Variants in TEX264 observed in about 807,000 individuals in gnomAD.
TEX264 encodes the protein testis-expressed protein 264.
In TEX264, 13 loss-of-function variants were observed where a neutral mutation model predicts 23.4. That is an observed-to-expected ratio of 0.56 (90% CI 0.36 to 0.88). The LOEUF (loss-of-function observed/expected upper bound fraction) is 0.88, where lower values mean the gene tolerates loss of function less well. TEX264 is among the 40% of genes least tolerant of loss of function. TEX264 has a pLI of 0.01. For missense variants in TEX264, 340 were observed against 406.8 expected (o/e 0.84, Z 1.41); for synonymous variants, 159 against 170.0 (o/e 0.94, Z 0.50).
In TEX264 at chr3:51,684,960, G is replaced by A. The variant is rs897046573; in HGVS notation, c.480+326G>A. Among the ~76,000 whole-genome samples the A allele has an allele frequency of 4.6e-5, 7 of 152,216 alleles. No individual in the cohort carries two copies. In the East Asian group the frequency reaches 7.7e-4, roughly 17 times the overall value. On this transcript the variant is annotated intron_variant, in intron 3 of 4. Coordinates refer to ENST00000341333, the MANE Select transcript of TEX264 (RefSeq NM_015926.6). ...ACTCCTGGCTCAGATGAATGGACAG[G>A]CCACTTTATTCTCATCCTGCTGGAG...
rs201594052 is a variant in TEX264 at position 51,684,535 on chromosome 3, A to T, written c.381A>T (p.Ala127=). The T allele has an allele frequency of 4.3e-6, 7 of 1,614,036 alleles. No homozygotes were observed. The African/African-American group carries it at 9.3e-5, about 22-fold the overall frequency. The part of the protein sequence containing the change: ...KFGFKVFSFP[A]PSHVVTATFP... ...GCTTCAAGGTGTTCTCCTTCCCGGC[A>T]CCCAGCCATGTGGTGACAGCCACCT... The change falls in exon 3 of 5, where the codon GCA becomes GCT. Residue 127 remains alanine (A), a synonymous_variant. Coordinates refer to ENST00000341333, the MANE Select transcript of TEX264 (RefSeq NM_015926.6).
At chr3:51,685,550 A>G (rs1051061394) in intron 3 of TEX264, among the ~76,000 whole-genome samples, 3 of 152,238 alleles carry the variant, frequency 2.0e-5, no homozygotes, top group African/African-American at 7.2e-5. Context: ...CTCAGAGGAG[A>G]TAACCTCAAG....
intron 3 of TEX264, among the ~76,000 whole-genome samples, chr3:51,699,010 G>C (rs1040751002): frequency 1.3e-5 from 2 of 152,284 alleles, no homozygotes; most frequent in East Asian, 3.9e-4. Flanking sequence ...AGTCTGGTAG[G>C]TGAGACCTTG....
At chr3:51,701,344 C>G (rs1037784818) in intron 4 of TEX264, among the ~76,000 whole-genome samples, 1 of 150,544 alleles carries the variant, frequency 6.6e-6, no homozygotes, top group Non-Finnish European at 1.5e-5. Context: ...TCTTCTGCGG[C>G]AAGGTCTGGC....
chr3:51,680,164 C>CT (rs1166697274), intron 2 of TEX264, among the ~76,000 whole-genome samples: 1 of 152,212 alleles, frequency 6.6e-6, no homozygotes, highest in Non-Finnish European at 1.5e-5. Context: ...GATGGTGCTG[C>CT]TGTCCCTGTC....
At chr3:51,688,910 T>G (rs944594800) in intron 3 of TEX264, among the ~76,000 whole-genome samples, 1 of 151,920 alleles carries the variant, frequency 6.6e-6, no homozygotes, top group African/African-American at 2.4e-5. Context: ...GAGGATCACT[T>G]GAGCCCAGGA....
rs1312021674 is a variant in TEX264, at chr3:51,684,501, A to G, written c.347A>G (p.Gln116Arg). 6.2e-7 allele frequency: 1 copy of G among 1,614,098 alleles called. No homozygotes were observed. Among genetic ancestry groups the G allele is most frequent in the Non-Finnish European group, 8.5e-7 (1 of 1,180,048 alleles). The change falls in exon 3 of 5, where the codon CAG becomes CGG. Residue 116 changes from glutamine to arginine, a missense_variant. Coordinates refer to ENST00000341333, the MANE Select transcript of TEX264 (RefSeq NM_015926.6). ...SPSPELIDLYQKFGFKVFSFP... is the reference protein window; with the variant it reads ...SPSPELIDLYRKFGFKVFSFP... The stretch of plus-strand genomic sequence containing the variant: ...TCCCCTGAGCTCATCGACCTCTACC[A>G]GAAATTTGGCTTCAAGGTGTTCTCC...
chr3:51,675,265 T>C lies in TEX264; in HGVS notation c.258+703T>C, dbSNP rs116482720. Reference sequence around the variant, plus strand: ...CTTACAACCTATGGTGAGTCAGAGCTTGCTAATGTAACCTACTGCTATGCT... The same window carrying C: ...CTTACAACCTATGGTGAGTCAGAGCCTGCTAATGTAACCTACTGCTATGCT... On this transcript the variant is annotated intron_variant, in intron 2 of 4. Coordinates refer to ENST00000341333, the MANE Select transcript of TEX264 (RefSeq NM_015926.6). Among the ~76,000 whole-genome samples, 224 of 152,336 alleles carry C rather than the reference T, an allele frequency of 1.5e-3. 1 individual carries two copies. Among genetic ancestry groups the C allele is most frequent in the African/African-American group, 5.1e-3 (213 of 41,564 alleles).
chr3:51,677,115 C>G (rs1327135258), intron 2 of TEX264, among the ~76,000 whole-genome samples: 2 of 152,232 alleles, frequency 1.3e-5, no homozygotes, highest in African/African-American at 4.8e-5. Flanking sequence ...CCGGAAGGAC[C>G]TGAGGCCTCC....
At chr3:51,688,351 C>G (rs995861144) in intron 3 of TEX264, among the ~76,000 whole-genome samples, 2 of 152,190 alleles carry the variant, frequency 1.3e-5, no homozygotes, top group Admixed American at 6.5e-5. Flanking sequence ...ACACATGGAA[C>G]AGACCAGGAC....
intron 3 of TEX264, among the ~76,000 whole-genome samples, chr3:51,689,251 T>A (rs1210140808): frequency 6.6e-6 from 1 of 151,724 alleles, no homozygotes; most frequent in African/African-American, 2.4e-5. Flanking sequence ...TGGTGAAACC[T>A]CGTCTCTACA....
chr3:51,694,491 A>C (rs764445109), intron 3 of TEX264: 1 of 152,340 alleles, frequency 6.6e-6, no homozygotes, highest in Non-Finnish European at 1.5e-5. Flanking sequence ...TATTCCAGGC[A>C]GTCTCCCATC....
At chr3:51,678,591 G>C (rs1260043754) in intron 2 of TEX264, among the ~76,000 whole-genome samples, 4 of 152,230 alleles carry the variant, frequency 2.6e-5, no homozygotes, top group Non-Finnish European at 5.9e-5. Context: ...GGAGTGGGTT[G>C]GGGAACTGGT....
At chr3:51,684,777 C>G in intron 3 of TEX264, 143 bp downstream of exon 3, 1 of 738,182 alleles carries the variant, frequency 1.4e-6, no homozygotes, top group Non-Finnish European at 2.2e-6. Flanking sequence ...ACCTGTGGAG[C>G]TAGGAAGATG....
rs1407573549 is a variant in TEX264 at position 51,694,085 on chromosome 3, G to GTCCGTCCTTCCTTCCT, written c.481-5318_481-5317insGTCCTTCCTTCCTTCC. The stretch of plus-strand genomic sequence containing the variant: ...CCTTCCCTTCCCCTTCCTTCCGTCC[G>GTCCGTCCTTCCTTCCT]TCCTTCCTTCCTTCCTTCCTTCCTT... On this transcript the variant is annotated intron_variant, in intron 3 of 4. Transcript: ENST00000341333. Among the ~76,000 whole-genome samples the GTCCGTCCTTCCTTCCT allele has an allele frequency of 8.7e-4, 74 of 85,324 alleles. 2 individuals carry two copies. Among genetic ancestry groups the GTCCGTCCTTCCTTCCT allele is most frequent in the South Asian group, 2.8e-3 (5 of 1,768 alleles). 56.0% of individuals were successfully genotyped at this position (85,324 alleles called of 152,430 possible).
At chr3:51,694,085 G>GTCCGTCCTTCCTTCCTTCCT (rs1407573549) in intron 3 of TEX264, among the ~76,000 whole-genome samples, 3 of 85,254 alleles carry the variant, frequency 3.5e-5, no homozygotes, top group Non-Finnish European at 7.1e-5. Context: ...CCTTCCGTCC[G>GTCCGTCCTTCCTTCCTTCCT]TCCTTCCTTC....
chr3:51,697,482 G>A lies in TEX264; in HGVS notation c.481-1924G>A, dbSNP rs997483273. Among the ~76,000 whole-genome samples, 3 of 152,218 alleles carry A rather than the reference G, an allele frequency of 2.0e-5. No homozygotes were observed. In the East Asian group the frequency reaches 5.8e-4, roughly 29 times the overall value. On this transcript the variant is annotated intron_variant, in intron 3 of 4. Coordinates refer to ENST00000341333, the MANE Select transcript of TEX264 (RefSeq NM_015926.6). ...CCAAATGTCTGCTGCTCTTGTGATG[G>A]CCACTCAGCTACTACCCTTTGGGTC...
chr3:51,690,053 C>T (rs950481883), intron 3 of TEX264, among the ~76,000 whole-genome samples: 25 of 152,180 alleles, frequency 1.6e-4, no homozygotes, highest in Admixed American at 1.4e-3. Context: ...GCCTGTTGAG[C>T]AGTGGCTGTG....
intron 3 of TEX264, among the ~76,000 whole-genome samples, chr3:51,694,085 G>GTCCT (rs60670569): frequency 0.09 from 7,636 of 85,130 alleles, 479 homozygotes; most frequent in East Asian, 0.25. Context: ...CCTTCCGTCC[G>GTCCT]TCCTTCCTTC....
Sources: allele counts gnomAD v4.1 joint callset (sites outside exome capture counted in the v4.1 genomes callset), GRCh38; gene constraint gnomAD v4.1.1; transcripts MANE v1.5; gene names NCBI Gene and HGNC (gene_info 2026-07-23, HGNC 2026-07-21).